Variants in LRRC63 observed in about 807,000 individuals in gnomAD.
LRRC63 encodes leucine rich repeat containing 63.
Under a neutral mutation model 49.5 loss-of-function variants are expected in LRRC63, and 40 were observed. The observed-to-expected ratio is 0.81, with a 90% CI of 0.63 to 1.05. The LOEUF (loss-of-function observed/expected upper bound fraction) is 1.05. LRRC63 is among the 50% of genes least tolerant of loss of function. The pLI, the probability that LRRC63 is intolerant of heterozygous loss-of-function variation, is 0.00. For synonymous variants in LRRC63, 191 were observed against 221.1 expected, an observed-to-expected ratio of 0.86 and a Z score of 1.21; for missense variants, 636 against 663.1, an observed-to-expected ratio of 0.96 and a Z score of 0.45.
chr13:46,255,307 A>G (rs927575651), intron 7 of LRRC63, among the ~76,000 whole-genome samples: 4 of 152,104 alleles, frequency 2.6e-5, no homozygotes, highest in African/African-American at 9.7e-5. Flanking sequence ...CAATGGATAT[A>G]GAGTTTCTGT....
intron 6 of LRRC63, among the ~76,000 whole-genome samples, chr13:46,248,778 G>T (rs979088572): frequency 6.6e-6 from 1 of 151,806 alleles, no homozygotes; most frequent in Non-Finnish European, 1.5e-5. Flanking sequence ...AAACCAATTA[G>T]ACCTAATAAA....
chr13:46,257,653 C>CAA (rs2047536088), intron 7 of LRRC63, among the ~76,000 whole-genome samples: 1 of 152,094 alleles, frequency 6.6e-6, no homozygotes, highest in Admixed American at 6.5e-5. Flanking sequence ...GACACTGGAA[C>CAA]AAAGTGGGGG....
chr13:46,242,229 T>C (rs2047083086), intron 5 of LRRC63, among the ~76,000 whole-genome samples: 1 of 152,064 alleles, frequency 6.6e-6, no homozygotes, highest in African/African-American at 2.4e-5. Flanking sequence ...AAACCAAATA[T>C]TGTATGTTCT....
intron 9 of LRRC63, 70 bp from the exon 10 acceptor site, chr13:46,276,520 G>T: frequency 1.5e-6 from 1 of 686,622 alleles, no homozygotes; most frequent in Admixed American, 4.4e-5. Context: ...ATACTATTTG[G>T]AGTCTTGCAT....
chr13:46,234,204 C>T, exon 5 of LRRC63: 1 of 1,548,834 alleles, frequency 6.5e-7, no homozygotes, highest in Non-Finnish European at 8.7e-7. Context: ...CTCACCAAAA[C>T]TGAAAAAATA....
upstream of LRRC63, chr13:46,211,936 G>A (rs562707342): frequency 6.5e-6 from 1 of 153,136 alleles, no homozygotes; most frequent in Non-Finnish European, 1.5e-5. Flanking sequence ...CAAGTGGCTG[G>A]GCTGGCTTAG....
chr13:46,275,503 A>G (rs2047822755), intron 9 of LRRC63, among the ~76,000 whole-genome samples: 1 of 152,028 alleles, frequency 6.6e-6, no homozygotes, highest in African/African-American at 2.4e-5. Context: ...TCTTTTTTAT[A>G]ATAGCCATTC....
intron 9 of LRRC63, among the ~76,000 whole-genome samples, chr13:46,271,322 G>A (rs541745961): frequency 2.5e-4 from 38 of 152,200 alleles, no homozygotes; most frequent in Non-Finnish European, 4.1e-4. Context: ...AACCTAACCC[G>A]CCTTTCTTAC....
At chr13:46,268,983 GA>G (rs11412724) in intron 9 of LRRC63, among the ~76,000 whole-genome samples, 1 of 151,680 alleles carries the variant, frequency 6.6e-6, no homozygotes, top group East Asian at 1.9e-4. Context: ...AACATTTATG[GA>G]AAAAGCTGAA....
chr13:46,237,929 A>G (rs2046949636), intron 5 of LRRC63, among the ~76,000 whole-genome samples: 1 of 152,170 alleles, frequency 6.6e-6, no homozygotes, highest in Non-Finnish European at 1.5e-5. Flanking sequence ...TTAATAAGTA[A>G]TGAGATTAAA....
chr13:46,242,181 G>A (rs2047082022), intron 5 of LRRC63, among the ~76,000 whole-genome samples: 1 of 152,156 alleles, frequency 6.6e-6, no homozygotes, highest in South Asian at 2.1e-4. Context: ...GGATGGAGCT[G>A]GAGGCCATTA....
At chr13:46,234,292 G>T in exon 5 of LRRC63, 1 of 1,550,266 alleles carries the variant, frequency 6.5e-7, no homozygotes, top group South Asian at 1.2e-5. Flanking sequence ...TAACAGCCAT[G>T]ACCAACCTGG....
At chr13:46,268,801 T>C (rs1386443822) in intron 9 of LRRC63, among the ~76,000 whole-genome samples, 1 of 149,136 alleles carries the variant, frequency 6.7e-6, no homozygotes, top group Non-Finnish European at 1.5e-5. Context: ...TTGGAAAATA[T>C]GTAGGTAAAC....
chr13:46,253,251 G>A (rs2047430548), intron 7 of LRRC63, among the ~76,000 whole-genome samples: 1 of 151,868 alleles, frequency 6.6e-6, no homozygotes, highest in African/African-American at 2.4e-5. Context: ...CAGATCTCTA[G>A]TTAGAGTGAA....
At chr13:46,252,853 T>C (rs1225460079) in intron 7 of LRRC63, among the ~76,000 whole-genome samples, 1 of 152,016 alleles carries the variant, frequency 6.6e-6, no homozygotes, top group Non-Finnish European at 1.5e-5. Context: ...TGCCAAGTGG[T>C]AAGAAATGGT....
At chr13:46,268,810 A>G (rs1469881813) in intron 9 of LRRC63, among the ~76,000 whole-genome samples, 2 of 151,996 alleles carry the variant, frequency 1.3e-5, no homozygotes, top group Non-Finnish European at 2.9e-5. Context: ...ATGTAGGTAA[A>G]CAAACATGAT....
At chr13:46,245,473 G>A (rs1925998) in intron 5 of LRRC63, among the ~76,000 whole-genome samples, 79,553 of 151,826 alleles carry the variant, frequency 0.52, 24,577 homozygotes, top group African/African-American at 0.85. Context: ...ACCTGTCTCA[G>A]GAAATTTTAA....
intron 7 of LRRC63, among the ~76,000 whole-genome samples, chr13:46,260,854 A>G (rs1429966841): frequency 6.6e-6 from 1 of 152,156 alleles, no homozygotes; most frequent in Non-Finnish European, 1.5e-5. Flanking sequence ...GATCATGAGG[A>G]CCTTTATATG....
intron 2 of LRRC63, among the ~76,000 whole-genome samples, chr13:46,220,649 T>TG (rs1407539714): frequency 8.1e-6 from 1 of 123,196 alleles, no homozygotes; most frequent in Non-Finnish European, 1.7e-5. Context: ...CACTGGGGTA[T>TG]GAAAAAAAAA....
Sources: gnomAD v4.1 joint callset for allele counts (sites outside exome capture counted in the v4.1 genomes callset) on GRCh38, gnomAD v4.1.1 for gene constraint, MANE v1.5 for transcripts, NCBI Gene and HGNC (gene_info 2026-07-23, HGNC 2026-07-21) for gene names.